MLLT10: variants seen among roughly 807,000 people sequenced by gnomAD.
MLLT10 encodes protein AF-10.
MLLT10 carries 30 observed loss-of-function variants against 129.1 expected under a neutral mutation model. The ratio of observed to expected loss-of-function variants is 0.23; its 90% CI spans 0.17 to 0.32. MLLT10 has a LOEUF of 0.32. MLLT10 is among the 10% of genes least tolerant of loss of function. The pLI is 1.00. For missense variants in MLLT10, 1,119 were observed against 1,268.3 expected, an observed-to-expected ratio of 0.88 and a Z score of 1.79; for synonymous variants, 490 against 446.4, an observed-to-expected ratio of 1.10 and a Z score of -1.23.
intron 8 of MLLT10, among the ~76,000 whole-genome samples, chr10:21,644,469 A>C (rs181454516): frequency 1.1e-4 from 17 of 152,240 alleles, no homozygotes; most frequent in African/African-American, 4.1e-4. Flanking sequence ...GGAGGGGCGC[A>C]GTATAAGAGC....
At chr10:21,632,027 C>A (rs1046354872) in intron 8 of MLLT10, among the ~76,000 whole-genome samples, 7 of 147,586 alleles carry the variant, frequency 4.7e-5, no homozygotes, top group Admixed American at 4.1e-4. Context: ...ATCCTCTGTT[C>A]TGTTCCAGGA....
intron 13 of MLLT10, among the ~76,000 whole-genome samples, chr10:21,709,491 G>A (rs908565177): frequency 3.9e-5 from 6 of 152,108 alleles, no homozygotes; most frequent in African/African-American, 1.4e-4. Context: ...TCGGCCTTCC[G>A]AAGTGCTGGG....
At chr10:21,657,675 C>G (rs1564592576) in intron 9 of MLLT10, among the ~76,000 whole-genome samples, 1 of 152,002 alleles carries the variant, frequency 6.6e-6, no homozygotes, top group African/African-American at 2.4e-5. Flanking sequence ...TAAAGTACAG[C>G]TTTTGTTTGT....
At chr10:21,717,888 TCTCCTCCTCCTCCTCCTC>T in intron 14 of MLLT10, among the ~76,000 whole-genome samples, 1 of 76,006 alleles carries the variant, frequency 1.3e-5, no homozygotes, top group African/African-American at 5.5e-5. Flanking sequence ...TCCTCCTCCT[TCTCCTCCTCCTCCTCCTC>T]CTCCTTCTCC....
chr10:21,603,301 A>C (rs1484201707), intron 5 of MLLT10, among the ~76,000 whole-genome samples: 1 of 148,352 alleles, frequency 6.7e-6, no homozygotes, highest in Non-Finnish European at 1.5e-5. Context: ...TCCTGATATC[A>C]GGTGATTTGC....
At chr10:21,675,311 AC>A (rs2051974979) in intron 11 of MLLT10, among the ~76,000 whole-genome samples, 1 of 152,148 alleles carries the variant, frequency 6.6e-6, no homozygotes, top group African/African-American at 2.4e-5. Flanking sequence ...TTCATGTGTT[AC>A]CCTGTGTATT....
At chr10:21,644,074 A>G (rs1470565872) in intron 8 of MLLT10, among the ~76,000 whole-genome samples, 1 of 152,042 alleles carries the variant, frequency 6.6e-6, no homozygotes, top group South Asian at 2.1e-4. Context: ...TCTTAACCTT[A>G]TTACTTTGGT....
chr10:21,628,977 G>A (rs1469663562), intron 8 of MLLT10, among the ~76,000 whole-genome samples: 1 of 151,588 alleles, frequency 6.6e-6, no homozygotes, highest in African/African-American at 2.4e-5. Flanking sequence ...TTGAACTTGT[G>A]ACCTCAGGTG....
At chr10:21,547,568 T>C (rs1014793942) in intron 3 of MLLT10, among the ~76,000 whole-genome samples, 1 of 151,874 alleles carries the variant, frequency 6.6e-6, no homozygotes, top group Non-Finnish European at 1.5e-5. Flanking sequence ...TCACCCAGGC[T>C]GGAGTGCAGT....
rs1292505072 is a variant in MLLT10 at position 21,713,826 on chromosome 10, C to G, written c.1754C>G (p.Ser585Trp). ...TCGTTTCCAAATGTAGTATCTGGCT[C>G]GGGATCTAGTACTCCTGTCTCCAGC... ...AVSFPNVVSG[S>W]GSSTPVSSSH... Residue 585 changes from serine to tryptophan, a missense_variant, in exon 14 of 23, where the codon TCG (serine) becomes TGG (tryptophan). Transcript: ENST00000307729. 10 of 1,613,952 alleles carry G rather than the reference C, an allele frequency of 6.2e-6. No homozygotes were observed. The East Asian group carries it at 1.1e-4, about 18-fold the overall frequency.
intron 5 of MLLT10, among the ~76,000 whole-genome samples, chr10:21,604,319 G>T (rs2043849694): frequency 6.6e-6 from 1 of 152,116 alleles, no homozygotes; most frequent in Non-Finnish European, 1.5e-5. Context: ...TCTCTGCTGG[G>T]CATCTCTGGT....
chr10:21,534,732 G>A lies in MLLT10; in HGVS notation c.88G>A (p.Asp30Asn). 1 of 1,613,464 alleles carries A rather than the reference G, an allele frequency of 6.2e-7. No individual in the cohort carries two copies. Among genetic ancestry groups the A allele is most frequent in the East Asian group, 2.2e-5 (1 of 44,834 alleles). Residue 30 changes from aspartate (D) to asparagine (N), a missense_variant, in exon 2 of 23, where the codon GAC becomes AAC. Around this residue, in one of 5 missense-constraint regions of MLLT10, gnomAD observed 33 missense variants for 76.9 expected, o/e 0.43. Coordinates refer to ENST00000307729, the MANE Select transcript of MLLT10 (RefSeq NM_001195626.3). ...GATTGGAGGCTGTTGCGTTTGCTCA[G>A]ACGAGAGAGGCTGGGCCGAGAACCC... ...EMIGGCCVCS[D>N]ERGWAENPLV...
At chr10:21,615,354 C>CG (rs2045126555) in intron 7 of MLLT10, among the ~76,000 whole-genome samples, 1 of 148,124 alleles carries the variant, frequency 6.8e-6, no homozygotes, top group Non-Finnish European at 1.5e-5. Context: ...CTGCTTGGGA[C>CG]GCTGAGGCAG....
intron 8 of MLLT10, among the ~76,000 whole-genome samples, chr10:21,634,738 A>T (rs899200781): frequency 6.6e-5 from 10 of 152,174 alleles, no homozygotes; most frequent in Non-Finnish European, 1.3e-4. Context: ...CCATCCATTC[A>T]CTAATCTCTC....
In MLLT10 at chr10:21,733,062, A is replaced by T; in HGVS notation, c.2382A>T (p.Gln794His). Residue 794 changes from glutamine to histidine, a missense_variant, in exon 18 of 23, where the codon CAA becomes CAT. By Grantham distance (24) the Gln-to-His change is conservative. Transcript: ENST00000307729. The stretch of plus-strand genomic sequence containing the variant: ...CAGCAAATCCTAGTCCGTCTCATCA[A>T]ATACACACATTTTCAGCACAGACTG... ...TITANPSPSH[Q>H]IHTFSAQTAP... is the part of the protein sequence containing the mutation. 1 of 1,611,380 alleles carries T rather than the reference A, an allele frequency of 6.2e-7. No individual in the cohort carries two copies. The highest frequency in any genetic ancestry group is 8.5e-7 in the Non-Finnish European group (1 of 1,178,786).
chr10:21,702,622 A>G (rs2055039315), intron 13 of MLLT10, among the ~76,000 whole-genome samples: 2 of 151,994 alleles, frequency 1.3e-5, no homozygotes, highest in South Asian at 2.1e-4. Flanking sequence ...TGGTGCATAT[A>G]TATTTAGAAT....
intron 3 of MLLT10, among the ~76,000 whole-genome samples, chr10:21,561,023 A>G (rs147763390): frequency 2.0e-5 from 3 of 152,224 alleles, no homozygotes; most frequent in African/African-American, 7.2e-5. Flanking sequence ...TGATTTGTGA[A>G]TATTTTATCC....
chr10:21,660,974 C>T (rs189279421), intron 9 of MLLT10, among the ~76,000 whole-genome samples: 98 of 151,328 alleles, frequency 6.5e-4, no homozygotes, highest in African/African-American at 2.3e-3. Context: ...TTCCCAGCAT[C>T]TGACAAATTT....
chr10:21,695,620 G>A (rs772175649), intron 13 of MLLT10, among the ~76,000 whole-genome samples: 4 of 152,024 alleles, frequency 2.6e-5, no homozygotes, highest in South Asian at 2.1e-4. Flanking sequence ...AAGTGTCTTG[G>A]AGGGCAGTCT....
Sources: allele counts gnomAD v4.1 joint callset (sites outside exome capture counted in the v4.1 genomes callset), GRCh38; gene constraint gnomAD v4.1.1; regional missense constraint gnomAD v4.1.1; transcripts MANE v1.5; gene names NCBI Gene and HGNC (gene_info 2026-07-23, HGNC 2026-07-21).